EP400: variants seen among roughly 807,000 people sequenced by gnomAD.
EP400 encodes E1A-binding protein p400.
In EP400, 105 loss-of-function variants were observed where a neutral mutation model predicts 354.1. The observed-to-expected ratio is 0.30, with a 90% confidence interval of 0.25 to 0.35. The LOEUF (loss-of-function observed/expected upper bound fraction) is 0.35. EP400 is among the 10% of genes least tolerant of loss of function. The pLI is 1.00. For synonymous variants in EP400, 1,646 were observed against 1,716.9 expected (o/e 0.96, Z 1.02); for missense variants, 3,280 against 4,121.0 (o/e 0.80, Z 5.59).
At chr12:132,028,994 G>A (rs1894396238) in intron 27 of EP400, 1 of 152,460 alleles carries the variant, frequency 6.6e-6, no homozygotes, top group South Asian at 2.1e-4. Context: ...AAGAAAACTG[G>A]GAGTGCTTCT....
intron 1 of EP400, among the ~76,000 whole-genome samples, chr12:131,953,969 C>T (rs981348969): frequency 5.9e-5 from 9 of 151,838 alleles, no homozygotes; most frequent in African/African-American, 9.7e-5. Flanking sequence ...AAAAATTAGC[C>T]GGTTGTGGTG....
chr12:132,016,322 A>G (rs967349353), intron 19 of EP400, among the ~76,000 whole-genome samples: 4 of 149,708 alleles, frequency 2.7e-5, no homozygotes, highest in African/African-American at 9.8e-5. Context: ...GGGACTCAGG[A>G]CTCCAGGCGC....
In EP400 at chr12:132,077,905, A is replaced by G; in HGVS notation, c.*232A>G. 1.7e-6 allele frequency: 1 copy of G among 574,444 alleles called. No homozygotes were observed. The highest frequency in any genetic ancestry group is 3.0e-6 in the Non-Finnish European group (1 of 334,074). The allele number at this position is 574,444 out of a possible 1,614,324, so 35.6% of individuals were successfully genotyped here. ...CGTGGCTCATGGAAAAAGTGACAACATGGCTTCCTCTAAATCATTTCACCT... is the reference window on the plus strand; with the variant it reads ...CGTGGCTCATGGAAAAAGTGACAACGTGGCTTCCTCTAAATCATTTCACCT... On this transcript the variant is annotated 3_prime_UTR_variant, in exon 53 of 53. Transcript: ENST00000389561.
intron 12 of EP400, among the ~76,000 whole-genome samples, chr12:131,997,726 A>G (rs779668049): frequency 7.0e-6 from 1 of 143,842 alleles, no homozygotes; most frequent in African/African-American, 2.5e-5. Flanking sequence ...CACGTTGAGT[A>G]GGATGAGGAG....
intron 30 of EP400, 75 bp downstream of exon 30, chr12:132,032,224 C>T (rs926784922): frequency 2.6e-5 from 38 of 1,468,236 alleles, no homozygotes; most frequent in African/African-American, 1.3e-4. Context: ...GCGGGGATGG[C>T]CGCGTGGAAA....
chr12:131,951,610 TG>T (rs1295776425), intron 1 of EP400, among the ~76,000 whole-genome samples: 5 of 152,164 alleles, frequency 3.3e-5, no homozygotes, highest in Non-Finnish European at 7.3e-5. Flanking sequence ...TTCTTTTTAT[TG>T]TTTTTTTGTA....
At chr12:132,031,158 A>G in intron 29 of EP400, 1 of 468,704 alleles carries the variant, frequency 2.1e-6, no homozygotes, top group Non-Finnish European at 4.3e-6. Context: ...AAAAGTATTC[A>G]AGTCATCTCC....
At chr12:132,020,911 C>A (rs1377685818) in intron 22 of EP400, among the ~76,000 whole-genome samples, 168 bp from the exon 23 acceptor site, 1 of 152,216 alleles carries the variant, frequency 6.6e-6, no homozygotes. Flanking sequence ...AATTATATTT[C>A]TCTCACCCTG....
intron 48 of EP400, chr12:132,065,819 G>A (rs1263565523): frequency 6.6e-6 from 1 of 152,272 alleles, no homozygotes; most frequent in Admixed American, 6.5e-5. Context: ...GAGAAGGGTG[G>A]TAACACCTAG....
chr12:132,076,995 T>C (rs569879941), intron 52 of EP400, among the ~76,000 whole-genome samples: 87 of 152,406 alleles, frequency 5.7e-4, no homozygotes, highest in African/African-American at 1.9e-3. Context: ...GCTTTCACTG[T>C]TGTCACTGAT....
intron 48 of EP400, chr12:132,065,413 G>C (rs1895857773): frequency 1.2e-5 from 2 of 160,702 alleles, no homozygotes; most frequent in Non-Finnish European, 2.8e-5. Flanking sequence ...ACTGCACCGT[G>C]ACTAGAGCTC....
intron 19 of EP400, among the ~76,000 whole-genome samples, chr12:132,016,304 G>T (rs1008668369): frequency 9.9e-5 from 15 of 152,124 alleles, no homozygotes; most frequent in African/African-American, 3.6e-4. Flanking sequence ...TCAAGGCCTA[G>T]CTGTGTGGGG....
intron 48 of EP400, 81 bp from the exon 49 acceptor site, chr12:132,066,693 T>TG: frequency 7.1e-7 from 1 of 1,407,350 alleles, no homozygotes; most frequent in Non-Finnish European, 9.7e-7. Flanking sequence ...TCTCATGGCA[T>TG]GACCTCTTGT....
At chr12:131,960,478 C>A in intron 1 of EP400, 107 bp from the exon 2 acceptor site, 1 of 1,087,704 alleles carries the variant, frequency 9.2e-7, no homozygotes, top group Non-Finnish European at 1.3e-6. Flanking sequence ...TCGTTTGAAT[C>A]AGATGCGGTG....
chr12:132,030,687 T>C (rs1293967968), intron 29 of EP400, among the ~76,000 whole-genome samples: 2 of 152,250 alleles, frequency 1.3e-5, no homozygotes, highest in African/African-American at 4.8e-5. Flanking sequence ...ACCCTTTACT[T>C]ACATGACAAC....
At chr12:131,954,245 C>G (rs1828592773) in intron 1 of EP400, among the ~76,000 whole-genome samples, 1 of 151,356 alleles carries the variant, frequency 6.6e-6, no homozygotes, top group Non-Finnish European at 1.5e-5. Flanking sequence ...AAAACCAACA[C>G]ATTTCAAAAT....
At chr12:131,972,466 A>G (rs893804320) in intron 2 of EP400, among the ~76,000 whole-genome samples, 7 of 152,054 alleles carry the variant, frequency 4.6e-5, no homozygotes, top group East Asian at 1.9e-4. Context: ...TTTTATTACT[A>G]ATAGCCAATT....
rs1275304096 is a variant in EP400 at position 132,052,169 on chromosome 12, C to G, written c.7395-977C>G. 6.6e-6 allele frequency among the ~76,000 whole-genome samples: 1 copy of G among 152,138 alleles called. No individual in the cohort carries two copies. Among genetic ancestry groups the G allele is most frequent in the Admixed American group, 6.5e-5 (1 of 15,280 alleles). Reference sequence around the variant, plus strand: ...TATCTAAGATCTATATCTGGTATAACTATTCTTGTTTTATATTTTATTATA... The same window carrying G: ...TATCTAAGATCTATATCTGGTATAAGTATTCTTGTTTTATATTTTATTATA... On this transcript the variant is annotated intron_variant, in intron 41 of 52. Transcript: ENST00000389561. The surrounding 1 kb of genome is among the most constrained non-coding windows in gnomAD (Gnocchi z 4.4).
intron 2 of EP400, among the ~76,000 whole-genome samples, chr12:131,978,278 C>T (rs984407592): frequency 5.3e-5 from 8 of 152,154 alleles, no homozygotes; most frequent in African/African-American, 1.7e-4. Context: ...CCTTTGTATC[C>T]GTGTCCCCCA....
Sources: gnomAD v4.1 joint callset for allele counts (sites outside exome capture counted in the v4.1 genomes callset) on GRCh38, gnomAD v4.1.1 for gene constraint, Gnocchi (gnomAD v3.1) non-coding constraint, MANE v1.5 for transcripts, NCBI Gene and HGNC (gene_info 2026-07-23, HGNC 2026-07-21) for gene names.